RMND5A: variants seen among roughly 807,000 people sequenced by gnomAD.
RMND5A encodes the protein E3 ubiquitin-protein transferase RMND5A.
Under a neutral mutation model 49.7 loss-of-function variants are expected in RMND5A, and 17 were observed. The ratio of observed to expected loss-of-function variants is 0.34; its 90% CI spans 0.23 to 0.51. The LOEUF (loss-of-function observed/expected upper bound fraction) is 0.51. Ranked by LOEUF, RMND5A falls within the 20% of genes least tolerant of loss-of-function variation. The probability of loss-of-function intolerance (pLI) is 0.96; values close to 1 mark genes in which losing one functional copy is unlikely to be tolerated. For synonymous variants in RMND5A, 156 were observed against 167.7 expected, an observed-to-expected ratio of 0.93 and a Z score of 0.54; for missense variants, 255 against 471.3, an observed-to-expected ratio of 0.54 and a Z score of 4.25.
chr2:86,734,079 G>GA (rs1209971988), intron 1 of RMND5A, among the ~76,000 whole-genome samples: 1 of 143,692 alleles, frequency 7.0e-6, no homozygotes, highest in African/African-American at 2.8e-5. Context: ...GAGTCCATTT[G>GA]AAAATGCATT....
rs1011175567 is a variant in RMND5A, at chr2:86,775,712, T to A, written c.*2301T>A. 1 of 152,212 alleles carries A rather than the reference T, an allele frequency of 6.6e-6. No homozygotes were observed. Among genetic ancestry groups the A allele is most frequent in the Non-Finnish European group, 1.5e-5 (1 of 68,048 alleles). The allele number at this position is 152,212 out of a possible 1,614,324, so 9.4% of individuals were successfully genotyped here. On this transcript the variant is annotated 3_prime_UTR_variant, in exon 9 of 9. Transcript: ENST00000283632. ...GTGAGGACCAAAAATCTGAAACTCTTATGAATCTGACATATTATATGGAAA... is the reference window on the plus strand; with the variant it reads ...GTGAGGACCAAAAATCTGAAACTCTAATGAATCTGACATATTATATGGAAA...
intron 1 of RMND5A, among the ~76,000 whole-genome samples, chr2:86,724,063 C>T (rs147200480): frequency 6.6e-6 from 1 of 151,216 alleles, no homozygotes; most frequent in Non-Finnish European, 1.5e-5. Flanking sequence ...TGGCCAAATC[C>T]GTCAGCCTGA....
intron 2 of RMND5A, among the ~76,000 whole-genome samples, chr2:86,745,907 A>G (rs76646681): frequency 6.0e-4 from 91 of 152,336 alleles, no homozygotes; most frequent in African/African-American, 2.0e-3. Context: ...GTGCTGTACT[A>G]GGAAATCACT....
intron 4 of RMND5A, among the ~76,000 whole-genome samples, chr2:86,754,001 C>G (rs766005066): frequency 3.3e-5 from 5 of 152,214 alleles, no homozygotes; most frequent in East Asian, 1.9e-4. Flanking sequence ...TAAAGCTACT[C>G]TATTCTTAAT....
Position 86,727,769 on chromosome 2 carries a change from C to CT in RMND5A, c.142+6961dup, listed in dbSNP as rs1003772112. 1.6e-4 allele frequency among the ~76,000 whole-genome samples: 10 copies of CT among 62,178 alleles called. 3 individuals are homozygous for CT. Among genetic ancestry groups the CT allele is most frequent in the African/African-American group, 5.9e-4 (10 of 16,988 alleles). The allele number at this position is 62,178 out of a possible 152,430, so 40.8% of individuals were successfully genotyped here. A position where few individuals can be genotyped will look rare whatever the true frequency, so the allele number is the denominator to read the frequency against. Reference sequence around the variant, plus strand: ...CTAACTGGACGTTTCCTTGAAAGCTCTGAGAGTAGCAGACACTTCTGGCCA... The same window carrying CT: ...CTAACTGGACGTTTCCTTGAAAGCTCTTGAGAGTAGCAGACACTTCTGGCCA... On this transcript the variant is annotated intron_variant, in intron 1 of 8. Transcript: ENST00000283632.
intron 3 of RMND5A, among the ~76,000 whole-genome samples, chr2:86,753,231 A>G (rs1429631326): frequency 1.3e-5 from 2 of 152,206 alleles, no homozygotes; most frequent in Non-Finnish European, 2.9e-5. Flanking sequence ...ACGTCTTACA[A>G]AGCCATACCC....
At chr2:86,762,673 TATATATC>T (rs61244595) in intron 4 of RMND5A, among the ~76,000 whole-genome samples, 6 of 129,738 alleles carry the variant, frequency 4.6e-5, no homozygotes, top group East Asian at 2.4e-4. Flanking sequence ...TTTATATATA[TATATATC>T]ATATATATAT....
chr2:86,747,866 T>G (rs1241014327), intron 2 of RMND5A, among the ~76,000 whole-genome samples: 1 of 152,180 alleles, frequency 6.6e-6, no homozygotes, highest in Non-Finnish European at 1.5e-5. Flanking sequence ...AGTTATTTAC[T>G]CCTCTTCTGC....
chr2:86,763,815 T>C (rs1196969063), intron 4 of RMND5A, among the ~76,000 whole-genome samples: 2 of 152,000 alleles, frequency 1.3e-5, no homozygotes, highest in Non-Finnish European at 2.9e-5. Context: ...CAGGTTTACC[T>C]GACTTGGTGT....
chr2:86,773,682 T>C lies in RMND5A; in HGVS notation c.*271T>C, dbSNP rs1301835989. ...CAATGCAGGTTTTTGTACTTAATTATATGGTGATTTTTTTACTTTTTAAGA... is the reference window on the plus strand; with the variant it reads ...CAATGCAGGTTTTTGTACTTAATTACATGGTGATTTTTTTACTTTTTAAGA... On this transcript the variant is annotated 3_prime_UTR_variant, in exon 9 of 9. Coordinates refer to ENST00000283632, the MANE Select transcript of RMND5A (RefSeq NM_022780.4). The C allele has an allele frequency of 1.1e-5, 3 of 270,706 alleles. No individual in the cohort carries two copies. In the East Asian group the frequency reaches 2.0e-4, roughly 18 times the overall value. The allele number at this position is 270,706 out of a possible 1,614,324, so 16.8% of individuals were successfully genotyped here.
chr2:86,767,085 GA>G (rs1330655420), intron 6 of RMND5A, among the ~76,000 whole-genome samples: 2 of 151,894 alleles, frequency 1.3e-5, no homozygotes, highest in African/African-American at 4.8e-5. Flanking sequence ...GCTTTTTTGA[GA>G]TGGAGTCTCC....
At chr2:86,758,610 G>A (rs1681788910) in intron 4 of RMND5A, among the ~76,000 whole-genome samples, 1 of 152,162 alleles carries the variant, frequency 6.6e-6, no homozygotes, top group Non-Finnish European at 1.5e-5. Flanking sequence ...AAAAGGGTGT[G>A]TGTGTGTGTC....
chr2:86,750,335 CT>C (rs374541812), intron 2 of RMND5A, among the ~76,000 whole-genome samples: 107 of 152,270 alleles, frequency 7.0e-4, no homozygotes, highest in African/African-American at 2.4e-3. Context: ...CTGAGAATGT[CT>C]TTATTTCATC....
intron 4 of RMND5A, among the ~76,000 whole-genome samples, 199 bp downstream of exon 4, chr2:86,753,757 A>G (rs1217852753): frequency 1.3e-5 from 2 of 152,198 alleles, no homozygotes; most frequent in African/African-American, 2.4e-5. Flanking sequence ...GTTGGAGCTT[A>G]TTTCACTTAT....
chr2:86,764,988 T>C (rs1672566271), intron 4 of RMND5A, 39 bp from the exon 5 acceptor site: 1 of 1,565,770 alleles, frequency 6.4e-7, no homozygotes, highest in Non-Finnish European at 8.6e-7. Flanking sequence ...ACCTTGCTTA[T>C]GCTTTTGATT....
chr2:86,744,065 A>G (rs1300147410), intron 2 of RMND5A, among the ~76,000 whole-genome samples: 3 of 152,022 alleles, frequency 2.0e-5, no homozygotes, highest in African/African-American at 7.2e-5. Flanking sequence ...GCCACCACAG[A>G]GGAAAGCCTG....
Position 86,762,625 on chromosome 2 carries a change from A to G in RMND5A, c.522-2402A>G, listed in dbSNP as rs545561655. ...TTGCCACTGCACTCCAGCCTGGGCA[A>G]CAGAGTGAAACTCTGTCTCAAAAAA... On this transcript the variant is annotated intron_variant, in intron 4 of 8. Transcript: ENST00000283632. 2.1e-5 allele frequency among the ~76,000 whole-genome samples: 3 copies of G among 145,942 alleles called. No homozygotes were observed. The South Asian group carries it at 6.5e-4, about 32-fold the overall frequency.
chr2:86,762,464 G>A (rs549824246), intron 4 of RMND5A, among the ~76,000 whole-genome samples: 1 of 151,764 alleles, frequency 6.6e-6, no homozygotes, highest in African/African-American at 2.4e-5. Flanking sequence ...GGCCAACATG[G>A]TGAGACCCTA....
In RMND5A at chr2:86,751,935, T is replaced by A. The variant is rs888621975; in HGVS notation, c.325T>A (p.Cys109Ser). ...SDISSVGIDG[C>S]WQADSQRLLN... ...CATTAGCAGTGTGGGAATAGATGGC[T>A]GCTGGCAGGCAGACAGCCAAAGGCT... Residue 109 changes from cysteine (C) to serine (S), a missense_variant, in exon 3 of 9, where the codon TGC (cysteine) becomes AGC (serine). Physicochemically the swap from Cys to Ser is moderately radical, Grantham distance 112. Transcript: ENST00000283632. 2.5e-6 allele frequency: 4 copies of A among 1,613,878 alleles called. No individual in the cohort carries two copies. The highest frequency in any genetic ancestry group is 3.4e-6 in the Non-Finnish European group (4 of 1,179,808).
Sources: allele counts gnomAD v4.1 joint callset (sites outside exome capture counted in the v4.1 genomes callset), GRCh38; gene constraint gnomAD v4.1.1; transcripts MANE v1.5; gene names NCBI Gene and HGNC (gene_info 2026-07-23, HGNC 2026-07-21).